OPCML: variants seen among roughly 807,000 people sequenced by gnomAD.
The protein encoded by OPCML is opioid-binding protein/cell adhesion molecule.
Under a neutral mutation model 37.8 loss-of-function variants are expected in OPCML, and 13 were observed. That is an observed-to-expected ratio of 0.34 (90% CI 0.22 to 0.55). OPCML has a LOEUF of 0.55. OPCML is among the 20% of genes least tolerant of loss of function. The pLI, the probability that OPCML is intolerant of heterozygous loss-of-function variation, is 0.91. For missense variants in OPCML, 341 were observed against 435.6 expected (o/e 0.78, Z 1.93); for synonymous variants, 176 against 168.8 (o/e 1.04, Z -0.33).
intron 2 of OPCML, among the ~76,000 whole-genome samples, chr11:132,691,092 C>T (rs1026928098): frequency 6.6e-6 from 1 of 152,148 alleles, no homozygotes; most frequent in Non-Finnish European, 1.5e-5. Flanking sequence ...CATGACAACC[C>T]TATGAAGTAG....
At chr11:133,183,459 A>G (rs1337259750) in intron 1 of OPCML, among the ~76,000 whole-genome samples, 1 of 152,218 alleles carries the variant, frequency 6.6e-6, no homozygotes, top group Non-Finnish European at 1.5e-5. Context: ...GCTGAGAAAT[A>G]AGACTTTGCT....
At chr11:133,471,550 G>A (rs1297079199) in intron 1 of OPCML, among the ~76,000 whole-genome samples, 1 of 152,132 alleles carries the variant, frequency 6.6e-6, no homozygotes, top group Non-Finnish European at 1.5e-5. Flanking sequence ...CTGGGGCATA[G>A]GCATGGAAGA....
chr11:132,771,597 G>A (rs183511126), intron 2 of OPCML: 3 of 152,282 alleles, frequency 2.0e-5, no homozygotes, highest in African/African-American at 7.2e-5. Flanking sequence ...AAGGAAGTCT[G>A]CATGGCACGG....
At chr11:133,316,964 A>AAG (rs1240257598) in intron 1 of OPCML, among the ~76,000 whole-genome samples, 6 of 152,174 alleles carry the variant, frequency 3.9e-5, no homozygotes, top group Non-Finnish European at 8.8e-5. Flanking sequence ...TTGGGAGGCC[A>AAG]AGGTGGGCAG....
intron 1 of OPCML, among the ~76,000 whole-genome samples, chr11:133,500,718 G>A (rs1014770698): frequency 1.3e-5 from 2 of 152,178 alleles, no homozygotes; most frequent in Admixed American, 6.5e-5. Context: ...CTTAATTCAA[G>A]TCAGTTCTTC....
At chr11:132,525,907 G>A (rs1468573567) in intron 4 of OPCML, 2 of 152,178 alleles carry the variant, frequency 1.3e-5, no homozygotes, top group African/African-American at 2.4e-5. Context: ...ATGCTTAAAT[G>A]TCATTGAGAG....
chr11:133,042,469 G>A lies in OPCML; in HGVS notation c.62-99459C>T, dbSNP rs142463891. ...AGGTGGGCAGGCAGAGAGGCAGAGC[G>A]GGACGCAAACGGTGCAGTAGGGAAT... is the stretch of plus-strand genomic sequence containing the variant. On this transcript the variant is annotated intron_variant, in intron 1 of 7. Coordinates refer to ENST00000524381, the MANE Select transcript of OPCML (RefSeq NM_001012393.5). 1.1e-3 allele frequency among the ~76,000 whole-genome samples: 173 copies of A among 152,274 alleles called. No homozygotes were observed. The East Asian group carries it at 0.016, about 14-fold the overall frequency.
chr11:132,516,052 T>C (rs1028012179), intron 4 of OPCML, among the ~76,000 whole-genome samples: 3 of 151,914 alleles, frequency 2.0e-5, no homozygotes, highest in Non-Finnish European at 4.4e-5. Context: ...CCAGCACAAG[T>C]CATAGGTCTC....
At chr11:133,281,452 T>C (rs994839839) in intron 1 of OPCML, among the ~76,000 whole-genome samples, 5 of 152,072 alleles carry the variant, frequency 3.3e-5, no homozygotes, top group African/African-American at 1.2e-4. Flanking sequence ...CCATGACTGG[T>C]AAATTCCTGA....
At chr11:133,040,419 G>A (rs1947868040) in intron 1 of OPCML, among the ~76,000 whole-genome samples, 2 of 152,178 alleles carry the variant, frequency 1.3e-5, no homozygotes, top group African/African-American at 2.4e-5. Flanking sequence ...AATCCAAAGT[G>A]TCAAACTCTT....
At chr11:132,656,976 G>A in intron 3 of OPCML, 111 bp downstream of exon 3, 2 of 1,502,504 alleles carry the variant, frequency 1.3e-6, no homozygotes, top group Non-Finnish European at 1.8e-6. Flanking sequence ...TCTGAATTCA[G>A]TAGAGGAAGA....
chr11:133,472,152 T>C (rs1179622490), intron 1 of OPCML, among the ~76,000 whole-genome samples: 2 of 152,204 alleles, frequency 1.3e-5, no homozygotes, highest in African/African-American at 2.4e-5. Flanking sequence ...GATGAAGCTC[T>C]TTTAGTTGCT....
chr11:132,787,564 A>G (rs1441899382), intron 2 of OPCML, among the ~76,000 whole-genome samples: 1 of 152,122 alleles, frequency 6.6e-6, no homozygotes, highest in Non-Finnish European at 1.5e-5. Flanking sequence ...CTGATGTTAA[A>G]AAAAAAAGAG....
intron 1 of OPCML, among the ~76,000 whole-genome samples, chr11:133,430,777 TTACAATCACAA>T (rs1406101534): frequency 1.1e-4 from 16 of 152,194 alleles, no homozygotes; most frequent in African/African-American, 3.9e-4. Flanking sequence ...AATGTAGAAG[TTACAATCACAA>T]TACAATCACA....
chr11:132,444,145 G>A (rs2096046304), intron 4 of OPCML, among the ~76,000 whole-genome samples: 1 of 152,258 alleles, frequency 6.6e-6, no homozygotes, highest in South Asian at 2.1e-4. Context: ...GGAGACACAG[G>A]AGTAATGCCT....
intron 1 of OPCML, among the ~76,000 whole-genome samples, chr11:133,108,749 A>G (rs1344749557): frequency 6.6e-6 from 1 of 152,202 alleles, no homozygotes; most frequent in Non-Finnish European, 1.5e-5. Context: ...TTCCATATTT[A>G]ATTAATCTTT....
At chr11:133,257,380 CTG>C (rs1391526088) in intron 1 of OPCML, among the ~76,000 whole-genome samples, 1 of 152,186 alleles carries the variant, frequency 6.6e-6, no homozygotes, top group Non-Finnish European at 1.5e-5. Context: ...TCTCATTTTA[CTG>C]TGATTTGAAA....
intron 1 of OPCML, among the ~76,000 whole-genome samples, chr11:133,490,073 G>T (rs1242395623): frequency 6.6e-6 from 1 of 152,156 alleles, no homozygotes; most frequent in East Asian, 1.9e-4. Context: ...CTTAAAATCA[G>T]CTATGGCTAA....
At chr11:133,448,708 C>T (rs913724892) in intron 1 of OPCML, among the ~76,000 whole-genome samples, 5 of 152,178 alleles carry the variant, frequency 3.3e-5, no homozygotes, top group Non-Finnish European at 7.3e-5. Context: ...TCGCCCGCCT[C>T]AGCGTCCCGA....
Sources: allele counts gnomAD v4.1 joint callset (sites outside exome capture counted in the v4.1 genomes callset), GRCh38; gene constraint gnomAD v4.1.1; transcripts MANE v1.5; gene names NCBI Gene and HGNC (gene_info 2026-07-23, HGNC 2026-07-21).